The following RBFOX3 variants were observed in gnomAD, a reference collection of about 807,000 sequenced individuals.
The protein encoded by RBFOX3 is RNA binding fox-1 homolog 3.
A neutral mutation model predicts 48.7 loss-of-function variants in RBFOX3; 17 were observed. The observed-to-expected ratio is 0.35, with a 90% CI of 0.24 to 0.52. RBFOX3 has a LOEUF of 0.52. Among genes scored for constraint, RBFOX3 ranks in the 20% least tolerant of loss-of-function variants. The pLI is 0.94. For missense variants in RBFOX3, 382 were observed against 497.5 expected (o/e 0.77, Z 2.21); for synonymous variants, 212 against 209.5 (o/e 1.01, Z -0.10).
chr17:79,172,098 C>T (rs548714212), intron 4 of RBFOX3, among the ~76,000 whole-genome samples: 31 of 138,970 alleles, frequency 2.2e-4, no homozygotes, highest in Non-Finnish European at 3.5e-4. Context: ...TGCCTGAACC[C>T]GGGAGGTGGA....
At chr17:79,268,162 C>T (rs958963682) in intron 3 of RBFOX3, among the ~76,000 whole-genome samples, 13 of 10,326 alleles carry the variant, frequency 1.3e-3, no homozygotes, top group African/African-American at 1.5e-3. Context: ...AGTGGCTTCT[C>T]GTCTGCGAGT....
intron 2 of RBFOX3, among the ~76,000 whole-genome samples, chr17:79,316,231 C>G (rs9890100): frequency 0.08 from 12,235 of 152,218 alleles, 894 homozygotes; most frequent in African/African-American, 0.2. Flanking sequence ...GGCTTTGTGA[C>G]TGTCTGGCAG....
chr17:79,325,398 A>T (rs1196043630), intron 2 of RBFOX3, among the ~76,000 whole-genome samples: 1 of 152,128 alleles, frequency 6.6e-6, no homozygotes, highest in Non-Finnish European at 1.5e-5. Context: ...CATCAGAGGG[A>T]CTAATTTGAG....
the RBFOX3 span, among the ~76,000 whole-genome samples, chr17:79,664,300 G>A: frequency 6.0e-5 from 9 of 150,420 alleles, no homozygotes; most frequent in Middle Eastern, 3.5e-3. Context: ...TCAACCTCCC[G>A]AGTAGCTGGG....
intron 2 of RBFOX3, among the ~76,000 whole-genome samples, chr17:79,347,945 T>C (rs2083181951): frequency 6.6e-6 from 1 of 152,156 alleles, no homozygotes; most frequent in Non-Finnish European, 1.5e-5. Flanking sequence ...CCCTGCCCTG[T>C]CTGAGAGGTG....
intron 4 of RBFOX3, among the ~76,000 whole-genome samples, chr17:79,121,004 A>G (rs1292229547): frequency 6.6e-6 from 1 of 152,046 alleles, no homozygotes; most frequent in Non-Finnish European, 1.5e-5. Flanking sequence ...TTCAGCTCTC[A>G]CGACCTGAAT....
intron 4 of RBFOX3, among the ~76,000 whole-genome samples, chr17:79,206,747 C>T (rs961731060): frequency 2.0e-5 from 3 of 152,172 alleles, no homozygotes; most frequent in Non-Finnish European, 4.4e-5. Flanking sequence ...GTGCACCCTG[C>T]GCTGTGGGCT....
chr17:79,195,903 G>C lies in RBFOX3; in HGVS notation c.-34+39863C>G, dbSNP rs142939582. On this transcript the variant is annotated intron_variant, in intron 4 of 14. Coordinates refer to ENST00000693108, the MANE Select transcript of RBFOX3 (RefSeq NM_001350451.2). The surrounding 1 kb of genome is among the most constrained non-coding windows in gnomAD (Gnocchi z 5.3). The stretch of plus-strand genomic sequence containing the variant: ...TTGATTTTTCTCTCCGAGGTAGAAG[G>C]AGAGGCCTCGGAAATGCCATTCCAG... 4.2e-4 allele frequency among the ~76,000 whole-genome samples: 64 copies of C among 152,322 alleles called. No homozygotes were observed. Among genetic ancestry groups the C allele is most frequent in the African/African-American group, 1.5e-3 (63 of 41,578 alleles).
intron 1 of RBFOX3, among the ~76,000 whole-genome samples, chr17:79,565,791 G>C (rs1415803993): frequency 6.6e-6 from 1 of 152,140 alleles, no homozygotes; most frequent in Non-Finnish European, 1.5e-5. Context: ...CCTTTCTTCT[G>C]CAGACAATAC....
intron 1 of RBFOX3, among the ~76,000 whole-genome samples, chr17:79,501,214 A>G (rs1380110708): frequency 6.6e-6 from 1 of 152,194 alleles, no homozygotes; most frequent in Non-Finnish European, 1.5e-5. Context: ...CTCAAGAGTA[A>G]TGAGGTTGGT....
At chr17:79,656,368 C>T in the RBFOX3 span, among the ~76,000 whole-genome samples, 1 of 152,208 alleles carries the variant, frequency 6.6e-6, no homozygotes, top group African/African-American at 2.4e-5. Flanking sequence ...AATCCCAGCA[C>T]TTTGGGAGGC....
In RBFOX3 at chr17:79,290,340, T is replaced by C. The variant is rs558642023; in HGVS notation, c.-74+17384A>G. Among the ~76,000 whole-genome samples, 8 of 152,256 alleles carry C rather than the reference T, an allele frequency of 5.3e-5. No homozygotes were observed. In the East Asian group the frequency reaches 1.4e-3, roughly 26 times the overall value. The stretch of plus-strand genomic sequence containing the variant: ...GGGTGAGCCAGCTGGGTTGGAGTCC[T>C]TGCTAGCTGTGTGGGCCCGGGTAAG... On this transcript the variant is annotated intron_variant, in intron 3 of 14. Transcript: ENST00000693108.
chr17:79,278,722 C>G lies in RBFOX3; in HGVS notation c.-74+29002G>C, dbSNP rs75862240. ...AGGCACCCCTGACTTAAGCCTCTAC[C>G]CTGTCCAGGACGAAGATGCATCCAC... is the stretch of plus-strand genomic sequence containing the variant. On this transcript the variant is annotated intron_variant, in intron 3 of 14. Coordinates refer to ENST00000693108, the MANE Select transcript of RBFOX3 (RefSeq NM_001350451.2). Among the ~76,000 whole-genome samples the G allele has an allele frequency of 7.8e-3, 1,191 of 152,350 alleles. 25 individuals are homozygous for G. Among genetic ancestry groups the G allele is most frequent in the African/African-American group, 0.028 (1,150 of 41,578 alleles).
At chr17:79,255,445 C>T (rs760036304) in intron 3 of RBFOX3, among the ~76,000 whole-genome samples, 10 of 152,100 alleles carry the variant, frequency 6.6e-5, no homozygotes, top group African/African-American at 9.7e-5. Context: ...CACCATTCTC[C>T]ACCCCAGAGC....
At chr17:79,136,637 T>C (rs1214593385) in intron 4 of RBFOX3, among the ~76,000 whole-genome samples, 2 of 152,170 alleles carry the variant, frequency 1.3e-5, no homozygotes, top group Admixed American at 6.5e-5. Context: ...GGCGTAGCAC[T>C]GCCAGAAGAT....
intron 5 of RBFOX3, among the ~76,000 whole-genome samples, chr17:79,108,873 G>T (rs116439275): frequency 0.021 from 3,207 of 152,350 alleles, 110 homozygotes; most frequent in African/African-American, 0.072. Flanking sequence ...CTGGCAGTGG[G>T]GCAGGCTGGG....
chr17:79,389,603 G>C lies in RBFOX3; in HGVS notation c.-174-81779C>G, dbSNP rs561927205. On this transcript the variant is annotated intron_variant, in intron 2 of 14. Transcript: ENST00000693108. ...CCTCAGTGGGTCTCCACTCAGGTAA[G>C]GGCAGCCTTACCGACACATGACACA... Among the ~76,000 whole-genome samples the C allele has an allele frequency of 1.6e-4, 25 of 152,292 alleles. 1 individual carries two copies. The South Asian group carries it at 5.2e-3, about 32-fold the overall frequency.
At chr17:79,413,039 C>T (rs1221417695) in intron 2 of RBFOX3, among the ~76,000 whole-genome samples, 1 of 152,154 alleles carries the variant, frequency 6.6e-6, no homozygotes, top group African/African-American at 2.4e-5. Flanking sequence ...TCCATCTCTC[C>T]TAAGAAGGAA....
chr17:79,583,177 T>C (rs2093133807), intron 1 of RBFOX3, among the ~76,000 whole-genome samples: 1 of 152,188 alleles, frequency 6.6e-6, no homozygotes, highest in Non-Finnish European at 1.5e-5. Flanking sequence ...CAGTGGCTCT[T>C]CATCGACACA....
Sources: gnomAD v4.1 joint callset for allele counts (sites outside exome capture counted in the v4.1 genomes callset) on GRCh38, gnomAD v4.1.1 for gene constraint, Gnocchi (gnomAD v3.1) non-coding constraint, MANE v1.5 for transcripts, NCBI Gene and HGNC (gene_info 2026-07-23, HGNC 2026-07-21) for gene names.